The following DACH2 variants were observed in gnomAD, a reference collection of about 807,000 sequenced individuals.
DACH2 encodes dachshund homolog 2.
In DACH2, 17 loss-of-function variants were observed where a neutral mutation model predicts 35.8. The observed-to-expected ratio is 0.48, with a 90% confidence interval of 0.33 to 0.71. The LOEUF is 0.71. DACH2 is among the 30% of genes least tolerant of loss of function. DACH2 has a pLI of 0.02. For synonymous variants in DACH2, 195 were observed against 177.3 expected (o/e 1.10, Z -0.79); for missense variants, 469 against 472.7 (o/e 0.99, Z 0.07).
chrX:86,461,140 C>A (rs778289083), intron 2 of DACH2, among the ~76,000 whole-genome samples: 36 of 111,557 alleles, frequency 3.2e-4, no homozygotes, highest in Non-Finnish European at 6.6e-4. Context: ...CCAGTGTAGT[C>A]TTTTAGTAAC....
rs12689241 is a variant in DACH2 at position 86,534,266 on chromosome X, T to C, written c.640+19875T>C. On this transcript the variant is annotated intron_variant, in intron 3 of 11. Coordinates refer to ENST00000373125, the MANE Select transcript of DACH2 (RefSeq NM_053281.3). ...GTATGGCAACAGTTTTGTGGAGTTA[T>C]AGGAAGGGAAGGAAGAAGTTAATTG... 6.0e-4 allele frequency among the ~76,000 whole-genome samples: 67 copies of C among 111,534 alleles called. No homozygotes were observed. In the East Asian group the frequency reaches 0.018, roughly 30 times the overall value.
At chrX:86,165,812 G>A (rs1366420976) in intron 1 of DACH2, among the ~76,000 whole-genome samples, 22 of 110,896 alleles carry the variant, frequency 2.0e-4, no homozygotes, top group Non-Finnish European at 3.8e-5. Flanking sequence ...TGTATCCTTT[G>A]CTGTGCAGAA....
intron 1 of DACH2, among the ~76,000 whole-genome samples, chrX:86,180,655 G>T (rs374703403): frequency 9.0e-6 from 1 of 111,285 alleles, no homozygotes; most frequent in East Asian, 2.8e-4. Context: ...CTATTCTCTT[G>T]AAGTGTGGCA....
intron 7 of DACH2, among the ~76,000 whole-genome samples, chrX:86,773,206 C>T (rs760456116): frequency 6.8e-4 from 76 of 111,712 alleles, no homozygotes; most frequent in Non-Finnish European, 1.1e-3. Context: ...TTACTGGCAA[C>T]GTAGTAGAAT....
chrX:86,478,992 A>C (rs2148231626), intron 2 of DACH2, among the ~76,000 whole-genome samples: 1 of 110,080 alleles, frequency 9.1e-6, no homozygotes, highest in Non-Finnish European at 1.9e-5. Context: ...AATGAGTGCA[A>C]GGTTTTATTG....
At chrX:86,404,940 C>A (rs1435208991) in intron 2 of DACH2, among the ~76,000 whole-genome samples, 4 of 112,454 alleles carry the variant, frequency 3.6e-5, no homozygotes, top group Non-Finnish European at 7.5e-5. Flanking sequence ...ATGTGGAAGC[C>A]ACCAAGGCTT....
chrX:86,638,083 A>G (rs1030225717), intron 3 of DACH2, among the ~76,000 whole-genome samples: 4 of 111,455 alleles, frequency 3.6e-5, no homozygotes, highest in Non-Finnish European at 7.5e-5. Context: ...AGTGGAACAG[A>G]ATAGAGATCC....
intron 3 of DACH2, among the ~76,000 whole-genome samples, chrX:86,631,310 T>C (rs2040198567): frequency 8.9e-6 from 1 of 112,142 alleles, no homozygotes; most frequent in Non-Finnish European, 1.9e-5. Context: ...ACTACCTCTA[T>C]TTGGAAAGAT....
chrX:86,560,222 A>G (rs2039190864), intron 3 of DACH2, among the ~76,000 whole-genome samples: 2 of 53,983 alleles, frequency 3.7e-5, no homozygotes, highest in African/African-American at 1.0e-4. Context: ...CTGGATATGA[A>G]ATTCTGGGTT....
intron 1 of DACH2, among the ~76,000 whole-genome samples, chrX:86,254,902 A>T (rs1486408207): frequency 9.5e-6 from 1 of 104,842 alleles, no homozygotes; most frequent in Non-Finnish European, 1.9e-5. Flanking sequence ...AGAACCCATA[A>T]AAGAAGTTTT....
chrX:86,338,598 G>A (rs991505355), intron 1 of DACH2, among the ~76,000 whole-genome samples: 1 of 111,910 alleles, frequency 8.9e-6, no homozygotes, highest in Admixed American at 9.5e-5. Context: ...AGCATTAAAT[G>A]CCCACAATTG....
At chrX:86,445,582 G>A (rs73631943) in intron 2 of DACH2, among the ~76,000 whole-genome samples, 11,078 of 35,996 alleles carry the variant, frequency 0.31, 1,134 homozygotes, top group African/African-American at 0.53. Flanking sequence ...AAAAAAAAAA[G>A]AAATTTTTAA....
intron 3 of DACH2, among the ~76,000 whole-genome samples, chrX:86,611,009 C>T (rs748278802): frequency 9.0e-6 from 1 of 110,574 alleles, no homozygotes; most frequent in Non-Finnish European, 1.9e-5. Context: ...CACCACAGCT[C>T]GCAATATGTT....
intron 3 of DACH2, among the ~76,000 whole-genome samples, chrX:86,524,565 A>G (rs1482779113): frequency 8.9e-6 from 1 of 112,388 alleles, no homozygotes; most frequent in Non-Finnish European, 1.9e-5. Flanking sequence ...TCTACTAAAG[A>G]AAAAGCTTAA....
chrX:86,254,783 T>TAA (rs1290583084), intron 1 of DACH2, among the ~76,000 whole-genome samples: 83 of 57,680 alleles, frequency 1.4e-3, no homozygotes, highest in East Asian at 6.7e-3. Context: ...AATAAATAAA[T>TAA]ATATATATAT....
rs773730084 is a variant in DACH2 at position 86,721,413 on chromosome X, A to G, written c.1104+6693A>G. 4.6e-3 allele frequency among the ~76,000 whole-genome samples: 514 copies of G among 112,008 alleles called. 3 individuals are homozygous for G. The highest frequency in any genetic ancestry group is 0.016 in the African/African-American group (487 of 30,819). On this transcript the variant is annotated intron_variant, in intron 6 of 11. Coordinates refer to ENST00000373125, the MANE Select transcript of DACH2 (RefSeq NM_053281.3). ...TCTAGGGCAGGGGCAAAATGCTGCCAATCTCTTTGCTAAAGCATAGCAAGA... is the reference window on the plus strand; with the variant it reads ...TCTAGGGCAGGGGCAAAATGCTGCCGATCTCTTTGCTAAAGCATAGCAAGA...
In DACH2 at chrX:86,581,067, G is replaced by T. The variant is rs143224253; in HGVS notation, c.640+66676G>T. On this transcript the variant is annotated intron_variant, in intron 3 of 11. Transcript: ENST00000373125. ...CATCAGAAACCCTATAAGCAGAAGC[G>T]AATGGGGGCTTATATTCAACATTCT... 1.5e-3 allele frequency among the ~76,000 whole-genome samples: 167 copies of T among 111,607 alleles called. 2 individuals carry two copies. In the East Asian group the frequency reaches 0.043, roughly 28 times the overall value.
At chrX:86,319,442 A>G (rs1323463747) in intron 1 of DACH2, among the ~76,000 whole-genome samples, 1 of 111,781 alleles carries the variant, frequency 8.9e-6, no homozygotes, top group African/African-American at 3.2e-5. Context: ...TTTCACTTCA[A>G]TGTAAAACCT....
intron 1 of DACH2, among the ~76,000 whole-genome samples, chrX:86,294,445 A>C (rs1467720747): frequency 3.6e-5 from 4 of 110,606 alleles, no homozygotes; most frequent in Non-Finnish European, 7.6e-5. Context: ...TTATCCATCC[A>C]GCTTTGTTCC....
Sources: allele counts gnomAD v4.1 joint callset (sites outside exome capture counted in the v4.1 genomes callset), GRCh38; gene constraint gnomAD v4.1.1; transcripts MANE v1.5; gene names NCBI Gene and HGNC (gene_info 2026-07-23, HGNC 2026-07-21).